The following BPTF variants were observed in gnomAD, a reference collection of about 807,000 sequenced individuals.
BPTF encodes the protein nucleosome-remodeling factor subunit BPTF.
Under a neutral mutation model 292.5 loss-of-function variants are expected in BPTF, and 18 were observed. The observed-to-expected ratio is 0.06, with a 90% CI of 0.04 to 0.09. The LOEUF is 0.09. Among genes scored for constraint, BPTF ranks in the 10% least tolerant of loss-of-function variants. The pLI is 1.00. For synonymous variants in BPTF, 1,225 were observed against 1,251.9 expected (o/e 0.98, Z 0.45); for missense variants, 2,726 against 3,498.7 (o/e 0.78, Z 5.57).
chr17:67,875,561 A>G (rs1249968286), intron 4 of BPTF: 1 of 1,519,036 alleles, frequency 6.6e-7, no homozygotes, highest in Non-Finnish European at 8.9e-7. Context: ...TGTAGAGCCA[A>G]CAGAAGTTGG....
rs1598679945 is a variant in BPTF, at chr17:67,922,743, A to T, written c.5558-97A>T. ...GCAGCAGAGACCATCTGGCTATTTA[A>T]GAAGTTTGCCAACCACTTTTTCATG... On this transcript the variant is annotated intron_variant, in intron 13 of 27. Transcript: ENST00000306378. The T allele has an allele frequency of 3.0e-6, 4 of 1,353,052 alleles. No homozygotes were observed. The South Asian group carries it at 6.0e-5, about 20-fold the overall frequency. 83.8% of individuals were successfully genotyped at this position (1,353,052 alleles called of 1,614,324 possible). A position where few individuals can be genotyped will look rare whatever the true frequency, so the allele number is the denominator to read the frequency against.
chr17:67,864,527 C>CAAAAAAAAAAAAA (rs60272759), intron 2 of BPTF, among the ~76,000 whole-genome samples: 1 of 80,234 alleles, frequency 1.2e-5, no homozygotes, highest in Non-Finnish European at 2.9e-5. Flanking sequence ...GACTCCATCA[C>CAAAAAAAAAAAAA]AAAAAAAAAA....
chr17:67,837,503 GT>G lies in BPTF; in HGVS notation c.613+11167del, dbSNP rs141766501. 3.7e-3 allele frequency among the ~76,000 whole-genome samples: 564 copies of G among 152,114 alleles called. 6 individuals are homozygous for G. The highest frequency in any genetic ancestry group is 0.013 in the African/African-American group (531 of 41,484). On this transcript the variant is annotated intron_variant, in intron 1 of 27. Transcript: ENST00000306378. The stretch of plus-strand genomic sequence containing the variant: ...GCTCACTGCAACCTCCACCTCCTTG[GT>G]CCAAGCAGTTCCCCTGCCTCAGCCT...
At chr17:67,903,209 C>T (rs1303327432) in intron 7 of BPTF, among the ~76,000 whole-genome samples, 1 of 152,252 alleles carries the variant, frequency 6.6e-6, no homozygotes, top group African/African-American at 2.4e-5. Context: ...GCTTTAAAAT[C>T]CGCAGTGCTT....
At chr17:67,931,754 A>G (rs1426637559) in intron 17 of BPTF, among the ~76,000 whole-genome samples, 157 bp from the exon 18 acceptor site, 2 of 152,178 alleles carry the variant, frequency 1.3e-5, no homozygotes, top group Non-Finnish European at 2.9e-5. Context: ...CTTTATTCTG[A>G]TGTTTAATAC....
chr17:67,974,969 C>G (rs1482308220), intron 26 of BPTF: 2 of 152,200 alleles, frequency 1.3e-5, no homozygotes, highest in Non-Finnish European at 2.9e-5. Flanking sequence ...CTAAAAGTCC[C>G]AACCCTCCAA....
intron 7 of BPTF, among the ~76,000 whole-genome samples, chr17:67,901,469 A>G (rs184960024): frequency 3.0e-4 from 46 of 152,298 alleles, no homozygotes; most frequent in Middle Eastern, 6.8e-3. Context: ...GAGTGGAAAA[A>G]TGTTATTGTA....
chr17:67,933,385 C>T (rs1568110761), intron 18 of BPTF, among the ~76,000 whole-genome samples: 2 of 151,618 alleles, frequency 1.3e-5, no homozygotes, highest in Non-Finnish European at 2.9e-5. Flanking sequence ...GTCTGGGCAA[C>T]ATAGGGAGAC....
chr17:67,833,509 C>A (rs953021141), intron 1 of BPTF, among the ~76,000 whole-genome samples: 8 of 151,844 alleles, frequency 5.3e-5, no homozygotes, highest in African/African-American at 1.9e-4. Context: ...CGTATGTTTT[C>A]ATTTCTCTTG....
At chr17:67,898,857 G>A (rs978464104) in intron 7 of BPTF, among the ~76,000 whole-genome samples, 11 of 150,312 alleles carry the variant, frequency 7.3e-5, no homozygotes, top group Non-Finnish European at 1.5e-4. Context: ...AGGAGCTGGA[G>A]GCTGCAGTGA....
intron 23 of BPTF, among the ~76,000 whole-genome samples, chr17:67,950,084 A>G (rs1420576758): frequency 1.0e-4 from 15 of 149,410 alleles, no homozygotes; most frequent in African/African-American, 3.5e-4. Context: ...ATTTCATAAC[A>G]TATCTTAAAC....
At chr17:67,979,986 C>A (rs782701696) in intron 27 of BPTF, among the ~76,000 whole-genome samples, 1 of 151,490 alleles carries the variant, frequency 6.6e-6, no homozygotes, top group African/African-American at 2.4e-5. Context: ...GGTTGCAGAT[C>A]GCACCACTAC....
chr17:67,933,317 C>G (rs989371193), intron 18 of BPTF, among the ~76,000 whole-genome samples: 13 of 151,580 alleles, frequency 8.6e-5, no homozygotes, highest in Non-Finnish European at 1.8e-4. Context: ...AGCCTGTAAT[C>G]CCAAAACTTT....
chr17:67,880,610 G>T (rs956669747), intron 4 of BPTF, among the ~76,000 whole-genome samples: 11 of 151,816 alleles, frequency 7.2e-5, no homozygotes, highest in Admixed American at 7.2e-4. Context: ...AACATTTGTA[G>T]GTTTTTGTTT....
At chr17:67,882,115 G>C (rs569461731) in intron 4 of BPTF, among the ~76,000 whole-genome samples, 1 of 152,072 alleles carries the variant, frequency 6.6e-6, no homozygotes, top group Admixed American at 6.6e-5. Context: ...AATTACAGGC[G>C]TGAGCTACCG....
At chr17:67,859,489 A>G (rs1376395815) in intron 2 of BPTF, among the ~76,000 whole-genome samples, 1 of 152,234 alleles carries the variant, frequency 6.6e-6, no homozygotes, top group African/African-American at 2.4e-5. Context: ...TAAAGAGACT[A>G]AATCTCAAAG....
rs1011726447 is a variant in BPTF at position 67,946,005 on chromosome 17, A to G, written c.7297A>G (p.Ile2433Val). 3.7e-6 allele frequency: 6 copies of G among 1,614,070 alleles called. No homozygotes were observed. The highest frequency in any genetic ancestry group is 5.1e-6 in the Non-Finnish European group (6 of 1,180,036). The change falls in exon 21 of 28, where the codon ATT becomes GTT. Residue 2433 changes from isoleucine (I) to valine (V), a missense_variant. Ile to Val is a conservative substitution (Grantham distance 29). Transcript: ENST00000306378. ...LQIQQPQPQV[I>V]AVPQLQQQVQ... The stretch of plus-strand genomic sequence containing the variant: ...AATACAGCAGCCACAGCCCCAAGTC[A>G]TTGCTGTGCCTCAGCTGCAACAACA...
intron 7 of BPTF, among the ~76,000 whole-genome samples, chr17:67,903,142 T>C (rs971937516): frequency 1.3e-5 from 2 of 152,206 alleles, no homozygotes; most frequent in Non-Finnish European, 2.9e-5. Flanking sequence ...TGGGGCCCCA[T>C]GGGCCCCTTT....
chr17:67,889,749 A>T (rs1336984427), intron 4 of BPTF, among the ~76,000 whole-genome samples: 1 of 142,514 alleles, frequency 7.0e-6, no homozygotes, highest in Non-Finnish European at 1.5e-5. Flanking sequence ...CAGAGGTTGC[A>T]GTGAGCCGAG....
Sources: allele counts gnomAD v4.1 joint callset (sites outside exome capture counted in the v4.1 genomes callset), GRCh38; gene constraint gnomAD v4.1.1; transcripts MANE v1.5; gene names NCBI Gene and HGNC (gene_info 2026-07-23, HGNC 2026-07-21).